Variants in C13orf46 observed in about 807,000 individuals in gnomAD.
C13orf46 encodes uncharacterized protein C13orf46.
chr13:113,952,419 C>T (rs1566412027), downstream of C13orf46, among the ~76,000 whole-genome samples: 1 of 152,282 alleles, frequency 6.6e-6, no homozygotes, highest in Admixed American at 6.5e-5. Flanking sequence ...GCCGCCGCTC[C>T]CGCCTGCTCA....
At chr13:113,966,511 GTGA>G (rs1382104757) in intron 5 of C13orf46, among the ~76,000 whole-genome samples, 9 of 150,872 alleles carry the variant, frequency 6.0e-5, no homozygotes, top group South Asian at 4.2e-4. Flanking sequence ...TATAATGGTG[GTGA>G]TGATGGTGAA....
chr13:113,951,913 G>A (rs1336042207), downstream of C13orf46, among the ~76,000 whole-genome samples: 4 of 152,182 alleles, frequency 2.6e-5, no homozygotes, highest in African/African-American at 7.2e-5. Context: ...AGTGCAACGC[G>A]ACCCCACTCT....
chr13:113,947,718 C>T, the C13orf46 span, among the ~76,000 whole-genome samples: 2 of 152,268 alleles, frequency 1.3e-5, no homozygotes, highest in East Asian at 3.9e-4. Context: ...CTGTAGTGGA[C>T]ACAAGCAGGT....
chr13:113,971,077 GCTCAGGAGAGC>G (rs2052699807), intron 1 of C13orf46, among the ~76,000 whole-genome samples: 1 of 152,252 alleles, frequency 6.6e-6, no homozygotes, highest in African/African-American at 2.4e-5. Flanking sequence ...AGCCCTAGGT[GCTCAGGAGAGC>G]CTTGGAGTGA....
intron 5 of C13orf46, 75 bp from the exon 6 acceptor site, chr13:113,965,069 G>A (rs1394431380): frequency 3.3e-5 from 5 of 152,258 alleles, no homozygotes; most frequent in Admixed American, 6.5e-5. Context: ...TGGACCTGCT[G>A]GAGGATCAGG....
chr13:113,943,941 T>C, the C13orf46 span, among the ~76,000 whole-genome samples: 2 of 152,138 alleles, frequency 1.3e-5, no homozygotes, highest in African/African-American at 4.8e-5. Flanking sequence ...CGTGGGCAGG[T>C]TTGGTCATCA....
At chr13:113,965,440 G>A (rs2052625919) in intron 5 of C13orf46, among the ~76,000 whole-genome samples, 2 of 152,220 alleles carry the variant, frequency 1.3e-5, no homozygotes, top group African/African-American at 4.8e-5. Flanking sequence ...CTACAGCAAA[G>A]ACATGGAGGA....
chr13:113,965,851 ATGG>A (rs2052635799), intron 5 of C13orf46, among the ~76,000 whole-genome samples: 81 of 116,212 alleles, frequency 7.0e-4, no homozygotes, highest in South Asian at 1.1e-3. Flanking sequence ...GATGATGGTG[ATGG>A]TGGTGATGAT....
chr13:113,934,248 A>C, the C13orf46 span, among the ~76,000 whole-genome samples: 8,849 of 152,300 alleles, frequency 0.058, 317 homozygotes, highest in African/African-American at 0.09. Context: ...CTGACAGACA[A>C]TGGGGCTGTT....
At chr13:113,966,637 A>C (rs978904681) in intron 5 of C13orf46, among the ~76,000 whole-genome samples, 31 of 151,624 alleles carry the variant, frequency 2.0e-4, no homozygotes, top group Admixed American at 8.5e-4. Context: ...GATGATGATG[A>C]TGATGCTGCT....
the C13orf46 span, among the ~76,000 whole-genome samples, chr13:113,931,692 A>T: frequency 6.6e-6 from 1 of 152,176 alleles, no homozygotes; most frequent in Non-Finnish European, 1.5e-5. Context: ...AAATTACGAG[A>T]TAACATTTCC....
chr13:113,944,178 T>A, the C13orf46 span, among the ~76,000 whole-genome samples: 1 of 152,126 alleles, frequency 6.6e-6, no homozygotes, highest in African/African-American at 2.4e-5. Context: ...GCTCATCTTG[T>A]CCTGGAGGCT....
chr13:113,929,802 G>GT, the C13orf46 span, among the ~76,000 whole-genome samples: 2 of 152,190 alleles, frequency 1.3e-5, no homozygotes, highest in East Asian at 1.9e-4. Context: ...GGAGCATCCC[G>GT]TGAGTTCATC....
In C13orf46 at chr13:113,955,180, T is replaced by TC. The variant is rs2052514148; in HGVS notation, c.*1592_*1593insG. On this transcript the variant is annotated 3_prime_UTR_variant, in exon 7 of 7. Coordinates refer to ENST00000636427, the MANE Select transcript of C13orf46 (RefSeq NM_001365455.2). The stretch of plus-strand genomic sequence containing the variant: ...GCATCTCGAGGAGAGGAGGAGCATC[T>TC]GGTGGAGAGGAGGAGCATCCCGTGG... 5.3e-6 allele frequency: 1 copy of TC among 187,360 alleles called. No homozygotes were observed. The highest frequency in any genetic ancestry group is 1.0e-5 in the Non-Finnish European group (1 of 97,740). 11.6% of individuals were successfully genotyped at this position (187,360 alleles called of 1,614,324 possible).
intron 1 of C13orf46, among the ~76,000 whole-genome samples, chr13:113,973,093 C>T (rs1300485160): frequency 6.6e-6 from 1 of 152,208 alleles, no homozygotes; most frequent in East Asian, 1.9e-4. Context: ...CCCTGAATCA[C>T]TGAGCTAAGG....
downstream of C13orf46, among the ~76,000 whole-genome samples, chr13:113,953,426 G>A (rs2052497472): frequency 6.6e-6 from 1 of 152,026 alleles, no homozygotes; most frequent in African/African-American, 2.4e-5. Context: ...TCCCACCCCA[G>A]CACTGGCCCT....
At chr13:113,959,250 T>C (rs919005612) in intron 6 of C13orf46, among the ~76,000 whole-genome samples, 2 of 152,104 alleles carry the variant, frequency 1.3e-5, no homozygotes, top group Non-Finnish European at 2.9e-5. Flanking sequence ...CCAGCCTGGG[T>C]GACAGAGTGA....
chr13:113,948,287 C>T, the C13orf46 span, among the ~76,000 whole-genome samples: 1 of 152,244 alleles, frequency 6.6e-6, no homozygotes, highest in Admixed American at 6.5e-5. Flanking sequence ...CCTCCTGGGA[C>T]TGAAGCCCAG....
At chr13:113,930,379 C>G in the C13orf46 span, among the ~76,000 whole-genome samples, 1 of 96,850 alleles carries the variant, frequency 1.0e-5, no homozygotes, top group African/African-American at 5.0e-5. Context: ...AGCACCGAGG[C>G]GGGGGCGCAG....
Sources: gnomAD v4.1 joint callset for allele counts (sites outside exome capture counted in the v4.1 genomes callset) on GRCh38, gnomAD v4.1.1 for gene constraint, MANE v1.5 for transcripts, NCBI Gene and HGNC (gene_info 2026-07-23, HGNC 2026-07-21) for gene names.